LRP1B: variants seen among roughly 807,000 people sequenced by gnomAD.
LRP1B encodes low-density lipoprotein receptor-related protein 1B.
A neutral mutation model predicts 556.6 loss-of-function variants in LRP1B; 217 were observed. That is an observed-to-expected ratio of 0.39 (90% CI 0.35 to 0.44). LRP1B has a LOEUF of 0.44. Among genes scored for constraint, LRP1B ranks in the 20% least tolerant of loss-of-function variants. The pLI, the probability that LRP1B is intolerant of heterozygous loss-of-function variation, is 1.00. For synonymous variants in LRP1B, 2,047 were observed against 1,865.8 expected, an observed-to-expected ratio of 1.10 and a Z score of -2.50; for missense variants, 5,053 against 5,620.8, an observed-to-expected ratio of 0.90 and a Z score of 3.23.
intron 20 of LRP1B, among the ~76,000 whole-genome samples, chr2:140,929,823 T>C (rs907117144): frequency 2.7e-5 from 4 of 149,018 alleles, no homozygotes; most frequent in African/African-American, 9.8e-5. Flanking sequence ...CTCATTCTAC[T>C]TCCTTACTAT....
At chr2:142,073,856 T>G (rs962672469) in intron 1 of LRP1B, among the ~76,000 whole-genome samples, 7 of 151,960 alleles carry the variant, frequency 4.6e-5, no homozygotes, top group Non-Finnish European at 1.0e-4. Context: ...TCCAGCCACG[T>G]GCACTGCTGG....
At chr2:141,656,869 T>G (rs1234960142) in intron 2 of LRP1B, among the ~76,000 whole-genome samples, 1 of 152,116 alleles carries the variant, frequency 6.6e-6, no homozygotes, top group Non-Finnish European at 1.5e-5. Context: ...GCTACATAGT[T>G]TTAATACATA....
chr2:140,386,513 C>T (rs770212110), intron 66 of LRP1B, among the ~76,000 whole-genome samples: 1 of 152,156 alleles, frequency 6.6e-6, no homozygotes, highest in Non-Finnish European at 1.5e-5. Context: ...TGTCCACTGC[C>T]CACTCATAAA....
intron 27 of LRP1B, among the ~76,000 whole-genome samples, chr2:140,852,591 C>T (rs1393389628): frequency 6.6e-6 from 1 of 152,076 alleles, no homozygotes; most frequent in African/African-American, 2.4e-5. Context: ...TCAAATGAGG[C>T]CTATGTGAAG....
At chr2:141,346,280 T>A (rs1386838425) in intron 3 of LRP1B, among the ~76,000 whole-genome samples, 3 of 152,008 alleles carry the variant, frequency 2.0e-5, no homozygotes, top group African/African-American at 2.4e-5. Flanking sequence ...ACTGTTTTTT[T>A]AAAAAAAGCA....
At chr2:141,920,413 C>T (rs1461436462) in intron 1 of LRP1B, among the ~76,000 whole-genome samples, 1 of 151,638 alleles carries the variant, frequency 6.6e-6, no homozygotes, top group East Asian at 1.9e-4. Context: ...GAACACAAGT[C>T]CCAAACTTTG....
intron 18 of LRP1B, among the ~76,000 whole-genome samples, chr2:140,960,478 C>T (rs79279910): frequency 0.047 from 7,056 of 151,704 alleles, 218 homozygotes; most frequent in African/African-American, 0.078. Flanking sequence ...AAGTGTGAAG[C>T]GTTAGATGTC....
chr2:142,080,738 T>C (rs763574219), intron 1 of LRP1B, among the ~76,000 whole-genome samples: 1 of 152,182 alleles, frequency 6.6e-6, no homozygotes, highest in Non-Finnish European at 1.5e-5. Flanking sequence ...TGGTGGGAGA[T>C]TGACTCCACC....
chr2:141,651,593 A>G (rs1192727970), intron 2 of LRP1B, among the ~76,000 whole-genome samples: 1 of 152,186 alleles, frequency 6.6e-6, no homozygotes, highest in African/African-American at 2.4e-5. Context: ...TGAGCCCGGG[A>G]GGTGGAGGTT....
chr2:141,470,041 T>C (rs1682400717), intron 3 of LRP1B, among the ~76,000 whole-genome samples: 1 of 150,916 alleles, frequency 6.6e-6, no homozygotes, highest in Non-Finnish European at 1.5e-5. Flanking sequence ...AGAAAAAACA[T>C]AGTCTGTATA....
At chr2:142,059,764 A>G (rs1385766391) in intron 1 of LRP1B, among the ~76,000 whole-genome samples, 3 of 152,080 alleles carry the variant, frequency 2.0e-5, no homozygotes. Flanking sequence ...GTTGTTAGAG[A>G]TCATTTCTCT....
At chr2:140,916,738 C>T (rs184965429) in intron 21 of LRP1B, among the ~76,000 whole-genome samples, 205 of 152,320 alleles carry the variant, frequency 1.3e-3, no homozygotes, top group Non-Finnish European at 2.4e-3. Flanking sequence ...GATACCTTCT[C>T]AGTCATTCTT....
intron 1 of LRP1B, among the ~76,000 whole-genome samples, chr2:142,105,100 T>A (rs2167053): frequency 0.67 from 101,244 of 151,972 alleles, 33,913 homozygotes; most frequent in East Asian, 0.71. Flanking sequence ...TGTGCATCAT[T>A]GGCTGAGGTG....
At chr2:141,336,904 A>G (rs567312631) in intron 3 of LRP1B, among the ~76,000 whole-genome samples, 1 of 152,152 alleles carries the variant, frequency 6.6e-6, no homozygotes, top group East Asian at 1.9e-4. Flanking sequence ...GTTGAGTAGA[A>G]TTCTATTACA....
intron 83 of LRP1B, 41 bp from the exon 84 acceptor site, chr2:140,298,010 C>A (rs2105001525): frequency 6.6e-7 from 1 of 1,523,272 alleles, no homozygotes; most frequent in Admixed American, 1.9e-5. Context: ...ATTATTCAAC[C>A]AAAATAGTTT....
chr2:141,221,328 G>C (rs111267699), intron 6 of LRP1B, among the ~76,000 whole-genome samples: 9 of 148,850 alleles, frequency 6.0e-5, no homozygotes, highest in Non-Finnish European at 1.3e-4. Flanking sequence ...ATTACATAAT[G>C]GGAAAGGGTT....
rs555459634 is a variant in LRP1B, at chr2:141,585,576, G to A, written c.206-105043C>T. ...AGTTGAAGGCATGCTTGCCATATAC[G>A]AGTTTACCTTCTAAATATGCCTGTG... On this transcript the variant is annotated intron_variant, in intron 2 of 90. Coordinates refer to ENST00000389484, the MANE Select transcript of LRP1B (RefSeq NM_018557.3). 4.2e-4 allele frequency among the ~76,000 whole-genome samples: 64 copies of A among 151,974 alleles called. 1 individual carries two copies. Among genetic ancestry groups the A allele is most frequent in the African/African-American group, 1.5e-3 (64 of 41,454 alleles).
intron 35 of LRP1B, among the ~76,000 whole-genome samples, chr2:140,743,460 T>C (rs991973822): frequency 2.0e-5 from 3 of 152,196 alleles, no homozygotes; most frequent in Non-Finnish European, 4.4e-5. Context: ...AATCCAAACC[T>C]GCCCTTTAGC....
At chr2:142,126,812 T>C (rs1462271055) in intron 1 of LRP1B, among the ~76,000 whole-genome samples, 2 of 151,782 alleles carry the variant, frequency 1.3e-5, no homozygotes, top group Admixed American at 1.3e-4. Flanking sequence ...AGACATAAAG[T>C]TCCCTCAACA....
Sources: gnomAD v4.1 joint callset for allele counts (sites outside exome capture counted in the v4.1 genomes callset) on GRCh38, gnomAD v4.1.1 for gene constraint, MANE v1.5 for transcripts, NCBI Gene and HGNC (gene_info 2026-07-23, HGNC 2026-07-21) for gene names.